Variants in ART3 observed in about 807,000 individuals in gnomAD.
ART3 encodes the protein ADP-ribosyltransferase 3 (inactive).
ART3 carries 49 observed loss-of-function variants against 48.5 expected under a neutral mutation model. The ratio of observed to expected loss-of-function variants is 1.01; its 90% CI spans 0.80 to 1.28. The LOEUF (loss-of-function observed/expected upper bound fraction) is 1.28. Ranked by LOEUF, ART3 falls within the 50% of genes most tolerant of loss-of-function variation. The pLI, the probability that ART3 is intolerant of heterozygous loss-of-function variation, is 0.00. For synonymous variants in ART3, 145 were observed against 157.2 expected (o/e 0.92, Z 0.58); for missense variants, 438 against 454.3 (o/e 0.96, Z 0.33).
intron 1 of ART3, among the ~76,000 whole-genome samples, chr4:76,040,515 G>T (rs1553926466): frequency 9.4e-6 from 1 of 106,452 alleles, no homozygotes; most frequent in African/African-American, 4.2e-5. Context: ...GACTATATCA[G>T]GTTCTCCCCC....
At position 76,082,211 on chromosome 4, in the gene ART3, T is replaced by A. The variant is rs748150014; in HGVS notation, c.457T>A (p.Cys153Ser). 8.7e-6 allele frequency: 14 copies of A among 1,614,036 alleles called. No homozygotes were observed. The African/African-American group carries it at 1.3e-4, about 15-fold the overall frequency. Residue 153 changes from cysteine (C) to serine (S), a missense_variant, in exon 3 of 12, where the codon TGT becomes AGT. Physicochemically the swap from Cys to Ser is moderately radical, Grantham distance 112 (BLOSUM62 -1). Coordinates refer to ENST00000355810, the MANE Select transcript of ART3 (RefSeq NM_001130016.3). ...TRALQLLRKP[C>S]EASSKTVVYR... ...AGCCCTGCAGTTGCTGAGAAAACCT[T>A]GTGAGGCCAGTTCCAAAACTGTGGT...
rs1392414524 is a variant in ART3 at position 76,081,889 on chromosome 4, C to T, written c.135C>T (p.Asp45=). The T allele has an allele frequency of 1.2e-6, 2 of 1,614,058 alleles. No individual in the cohort carries two copies. The highest frequency in any genetic ancestry group is 1.7e-6 in the Non-Finnish European group (2 of 1,180,026). Residue 45 remains aspartate, a synonymous_variant, in exon 3 of 12, where the codon GAC becomes GAT. Transcript: ENST00000355810. ...ATGATGAATACCTGAAATGTACGGA[C>T]AGGATGGAAATTAAATACGTTCCCC... The part of the protein sequence containing the change: ...AFDDEYLKCT[D]RMEIKYVPQL...
chr4:76,043,352 C>A (rs1364685017), intron 1 of ART3, among the ~76,000 whole-genome samples: 1 of 151,998 alleles, frequency 6.6e-6, no homozygotes, highest in Non-Finnish European at 1.5e-5. Flanking sequence ...GGGGGTGGCA[C>A]TCGTCAGGGA....
chr4:76,053,391 C>T (rs1331402566), intron 1 of ART3, among the ~76,000 whole-genome samples: 2 of 146,710 alleles, frequency 1.4e-5, no homozygotes, highest in Non-Finnish European at 3.0e-5. Context: ...CAGTGTTTCT[C>T]TACCTTTTTG....
At chr4:76,093,500 A>G (rs1725365221) in intron 3 of ART3, among the ~76,000 whole-genome samples, 1 of 152,126 alleles carries the variant, frequency 6.6e-6, no homozygotes, top group South Asian at 2.1e-4. Context: ...CATCTCTTCT[A>G]CTTCTTGTTT....
At chr4:76,040,353 A>G (rs1456693727) in intron 1 of ART3, among the ~76,000 whole-genome samples, 1 of 151,970 alleles carries the variant, frequency 6.6e-6, no homozygotes. Context: ...ACATTAGAAA[A>G]TGTGTAATAA....
intron 1 of ART3, among the ~76,000 whole-genome samples, chr4:76,055,082 A>G (rs1282049950): frequency 5.9e-5 from 9 of 152,134 alleles, no homozygotes; most frequent in Non-Finnish European, 1.3e-4. Flanking sequence ...GCCTCTTGTC[A>G]TTTTTCTAAG....
At chr4:76,106,740 C>G (rs372693516) in intron 10 of ART3, among the ~76,000 whole-genome samples, 9 of 152,116 alleles carry the variant, frequency 5.9e-5, no homozygotes, top group Non-Finnish European at 1.3e-4. Flanking sequence ...GACTTCCCCC[C>G]CACCTCCCTT....
At chr4:76,100,713 C>T (rs1434400346) in intron 6 of ART3, 82 bp from the exon 7 acceptor site, 17 of 1,421,380 alleles carry the variant, frequency 1.2e-5, no homozygotes, top group Non-Finnish European at 1.6e-5. Context: ...ATATTTCTTG[C>T]AAATAATTTT....
At chr4:76,070,176 ATT>A (rs1190951770), upstream of ART3, among the ~76,000 whole-genome samples, 2 of 25,422 alleles carry the variant, frequency 7.9e-5, no homozygotes, top group Admixed American at 7.1e-4. Context: ...AGTATAATGA[ATT>A]CCTGTTCTTT....
chr4:76,035,103 T>G (rs776483654), intron 1 of ART3: 26 of 1,612,328 alleles, frequency 1.6e-5, no homozygotes, highest in Non-Finnish European at 2.0e-5. Context: ...TGTCCTTTAT[T>G]TTCTTTCAGG....
chr4:76,025,684 G>A (rs1170868913), intron 1 of ART3, among the ~76,000 whole-genome samples: 1 of 152,036 alleles, frequency 6.6e-6, no homozygotes, highest in East Asian at 1.9e-4. Context: ...GACATCTTTT[G>A]CTCAGTATAA....
intron 4 of ART3, among the ~76,000 whole-genome samples, chr4:76,098,258 CAG>C (rs1031818690): frequency 1.3e-5 from 2 of 150,072 alleles, no homozygotes; most frequent in Non-Finnish European, 3.0e-5. Context: ...GGAAGGCAGA[CAG>C]AAAATTCTAA....
chr4:76,100,460 A>G, intron 6 of ART3, 140 bp downstream of exon 6: 1 of 874,730 alleles, frequency 1.1e-6, no homozygotes, highest in Non-Finnish European at 1.8e-6. Flanking sequence ...GTAAAACCCC[A>G]TCTTTACTAA....
intron 2 of ART3, among the ~76,000 whole-genome samples, chr4:76,077,851 T>C (rs962878027): frequency 6.6e-6 from 1 of 152,244 alleles, no homozygotes; most frequent in Non-Finnish European, 1.5e-5. Flanking sequence ...TCTGCATCCT[T>C]GTGTTACATG....
At chr4:76,031,992 G>A (rs1308819994) in intron 1 of ART3, among the ~76,000 whole-genome samples, 1 of 152,206 alleles carries the variant, frequency 6.6e-6, no homozygotes, top group Non-Finnish European at 1.5e-5. Flanking sequence ...TAAGCAATTA[G>A]TAGGCATTAG....
At chr4:76,020,177 AG>A (rs1487769910) in intron 1 of ART3, among the ~76,000 whole-genome samples, 2 of 149,358 alleles carry the variant, frequency 1.3e-5, no homozygotes. Context: ...CCCAAGCTGG[AG>A]TGCAGTGGTG....
intron 1 of ART3, chr4:76,023,560 T>C (rs1267865430): frequency 9.8e-6 from 8 of 812,348 alleles, no homozygotes; most frequent in African/African-American, 8.5e-5. Context: ...CTAATTCTGA[T>C]TGGATAAGGG....
intron 3 of ART3, among the ~76,000 whole-genome samples, chr4:76,086,866 T>C (rs2149585755): frequency 6.6e-6 from 1 of 152,244 alleles, no homozygotes. Flanking sequence ...GCTCCCCCTA[T>C]GTGACAGTAG....
Sources: allele counts gnomAD v4.1 joint callset (sites outside exome capture counted in the v4.1 genomes callset), GRCh38; gene constraint gnomAD v4.1.1; transcripts MANE v1.5; gene names NCBI Gene and HGNC (gene_info 2026-07-23, HGNC 2026-07-21).